KLHDC1: variants seen among roughly 807,000 people sequenced by gnomAD.
KLHDC1 encodes the protein kelch domain-containing protein 1.
In KLHDC1, 53 loss-of-function variants were observed where a neutral mutation model predicts 68.3. The observed-to-expected ratio is 0.78, with a 90% CI of 0.62 to 0.98. The LOEUF (loss-of-function observed/expected upper bound fraction) is 0.98, where lower values mean the gene tolerates loss of function less well. Among genes scored for constraint, KLHDC1 ranks in the 50% least tolerant of loss-of-function variants. The pLI, the probability that KLHDC1 is intolerant of heterozygous loss-of-function variation, is 0.00. For synonymous variants in KLHDC1, 148 were observed against 159.0 expected (o/e 0.93, Z 0.52); for missense variants, 470 against 492.3 (o/e 0.95, Z 0.43).
At chr14:49,750,144 C>T (rs555998505) in intron 12 of KLHDC1, among the ~76,000 whole-genome samples, 1 of 152,308 alleles carries the variant, frequency 6.6e-6, no homozygotes, top group East Asian at 1.9e-4. Context: ...ATGATTCCTG[C>T]TTGGCTCGCA....
intron 1 of KLHDC1, among the ~76,000 whole-genome samples, chr14:49,701,525 G>A (rs911228594): frequency 1.3e-5 from 2 of 151,994 alleles, no homozygotes; most frequent in African/African-American, 2.4e-5. Context: ...TGGTCGTGGT[G>A]GTGCATGCCT....
chr14:49,716,103 T>C (rs1414020931), intron 4 of KLHDC1, among the ~76,000 whole-genome samples: 2 of 152,102 alleles, frequency 1.3e-5, no homozygotes, highest in Non-Finnish European at 2.9e-5. Context: ...CAAAAAGCAT[T>C]TTAAGGGCTA....
At chr14:49,697,729 A>G (rs1293762833) in intron 1 of KLHDC1, among the ~76,000 whole-genome samples, 1 of 152,252 alleles carries the variant, frequency 6.6e-6, no homozygotes, top group Non-Finnish European at 1.5e-5. Context: ...GTTCAGTACC[A>G]GTAGGGGAAA....
At chr14:49,731,995 A>C (rs1415188790) in intron 8 of KLHDC1, among the ~76,000 whole-genome samples, 1 of 152,214 alleles carries the variant, frequency 6.6e-6, no homozygotes, top group African/African-American at 2.4e-5. Context: ...AAAGTAAAAA[A>C]CAACAATATA....
intron 12 of KLHDC1, 38 bp from the exon 13 acceptor site, chr14:49,751,548 G>C (rs1889320467): frequency 1.0e-6 from 1 of 993,496 alleles, no homozygotes; most frequent in Non-Finnish European, 1.4e-6. Flanking sequence ...TATAACCTCA[G>C]GTTCAAGACT....
At chr14:49,728,827 A>G (rs897618051) in intron 6 of KLHDC1, 99 bp from the exon 7 acceptor site, 1 of 845,544 alleles carries the variant, frequency 1.2e-6, no homozygotes, top group African/African-American at 1.7e-5. Flanking sequence ...ATAGGTAATG[A>G]TAACTTAGTG....
In KLHDC1 at chr14:49,729,022, A is replaced by G; in HGVS notation, c.651+13A>G. ...CGGACGTGTTCTGGTTAGTGTTTTTAATGGAAATGGTATTTTTATGTGCAA... is the reference window on the plus strand; with the variant it reads ...CGGACGTGTTCTGGTTAGTGTTTTTGATGGAAATGGTATTTTTATGTGCAA... On this transcript the variant is annotated intron_variant, in intron 7 of 12. Coordinates refer to ENST00000359332, the MANE Select transcript of KLHDC1 (RefSeq NM_172193.3). The G allele has an allele frequency of 6.4e-7, 1 of 1,568,756 alleles. No individual in the cohort carries two copies. Among genetic ancestry groups the G allele is most frequent in the East Asian group, 2.2e-5 (1 of 44,610 alleles).
In KLHDC1 at chr14:49,709,743, T is replaced by A; in HGVS notation, c.202T>A (p.Ser68Thr). The A allele has an allele frequency of 6.2e-7, 1 of 1,603,128 alleles. No individual in the cohort carries two copies. The highest frequency in any genetic ancestry group is 8.5e-7 in the Non-Finnish European group (1 of 1,175,592). Residue 68 changes from serine (S) to threonine (T), a missense_variant, in exon 3 of 13, where the codon TCC (serine) becomes ACC (threonine). By Grantham distance (58) the Ser-to-Thr change is moderately conservative. Coordinates refer to ENST00000359332, the MANE Select transcript of KLHDC1 (RefSeq NM_172193.3). Reference sequence around the variant, plus strand: ...CCTCATGGAAGGAGAACTCCCAGCCTCCATGTCAGGAAGCTGTGGTGCTTG... The same window carrying A: ...CCTCATGGAAGGAGAACTCCCAGCCACCATGTCAGGAAGCTGTGGTGCTTG... Reference protein sequence around the residue: ...MHLMEGELPASMSGSCGACIN... With the variant: ...MHLMEGELPATMSGSCGACIN...
intron 1 of KLHDC1, among the ~76,000 whole-genome samples, chr14:49,703,960 G>T (rs1887976031): frequency 6.6e-6 from 1 of 152,162 alleles, no homozygotes; most frequent in African/African-American, 2.4e-5. Flanking sequence ...ACATTCCCTA[G>T]GGAATCTACC....
chr14:49,698,112 C>T (rs1416620653), intron 1 of KLHDC1, among the ~76,000 whole-genome samples: 1 of 152,170 alleles, frequency 6.6e-6, no homozygotes, highest in East Asian at 1.9e-4. Context: ...GAGGTGTCTG[C>T]TCTATTCTTG....
rs927615785 is a variant in KLHDC1, at chr14:49,752,459, G to A, written c.*687G>A. On this transcript the variant is annotated 3_prime_UTR_variant, in exon 13 of 13. Transcript: ENST00000359332. The stretch of plus-strand genomic sequence containing the variant: ...AAGACCATGTTTTAAAGTACATAAA[G>A]TGGAGGTTTATTTATCATACAGGCT... 6.6e-6 allele frequency: 1 copy of A among 152,506 alleles called. No individual in the cohort carries two copies. The highest frequency in any genetic ancestry group is 2.4e-5 in the African/African-American group (1 of 41,440). 9.4% of individuals were successfully genotyped at this position (152,506 alleles called of 1,614,324 possible). A position where few individuals can be genotyped will look rare whatever the true frequency, so the allele number is the denominator to read the frequency against.
intron 4 of KLHDC1, among the ~76,000 whole-genome samples, chr14:49,722,695 G>T (rs921708768): frequency 6.6e-6 from 1 of 152,162 alleles, no homozygotes; most frequent in Non-Finnish European, 1.5e-5. Flanking sequence ...GTTCCATGTG[G>T]CTGGGGAGGC....
intron 8 of KLHDC1, among the ~76,000 whole-genome samples, chr14:49,732,403 G>A (rs796496946): frequency 1.3e-5 from 2 of 152,176 alleles, no homozygotes; most frequent in African/African-American, 4.8e-5. Context: ...GAACTCCTGA[G>A]TTCAGGCAAT....
chr14:49,693,356 G>T (rs1439403134), intron 1 of KLHDC1, 66 bp downstream of exon 1: 5 of 1,155,994 alleles, frequency 4.3e-6, no homozygotes, highest in East Asian at 3.3e-5. Flanking sequence ...CGGACGCAGC[G>T]CCCGCCACAC....
chr14:49,733,781 T>C (rs1888871008), intron 9 of KLHDC1, among the ~76,000 whole-genome samples: 2 of 152,204 alleles, frequency 1.3e-5, no homozygotes, highest in Admixed American at 1.3e-4. Context: ...TTAAGAAACA[T>C]TATACACTAT....
At chr14:49,726,906 C>T (rs181286644) in intron 6 of KLHDC1, among the ~76,000 whole-genome samples, 90 of 152,298 alleles carry the variant, frequency 5.9e-4, no homozygotes, top group African/African-American at 2.0e-3. Context: ...GTCCTGGTTA[C>T]ACACACAGTT....
intron 1 of KLHDC1, 136 bp from the exon 2 acceptor site, chr14:49,709,023 T>G: frequency 2.0e-6 from 1 of 500,476 alleles, no homozygotes; most frequent in South Asian, 2.8e-5. Flanking sequence ...TATATTTTAT[T>G]TTATATTGAA....
At chr14:49,716,183 T>C (rs943725704) in intron 4 of KLHDC1, among the ~76,000 whole-genome samples, 2 of 152,224 alleles carry the variant, frequency 1.3e-5, no homozygotes, top group East Asian at 3.8e-4. Context: ...TATCTTTGAA[T>C]GCTTATGGCA....
At chr14:49,704,342 A>C (rs909589506) in intron 1 of KLHDC1, among the ~76,000 whole-genome samples, 21 of 128,134 alleles carry the variant, frequency 1.6e-4, no homozygotes, top group African/African-American at 6.0e-4. Flanking sequence ...TGAGTTGAAT[A>C]TGTCTTCAAT....
Sources: gnomAD v4.1 joint callset for allele counts (sites outside exome capture counted in the v4.1 genomes callset) on GRCh38, gnomAD v4.1.1 for gene constraint, MANE v1.5 for transcripts, NCBI Gene and HGNC (gene_info 2026-07-23, HGNC 2026-07-21) for gene names.